TMEM207: variants seen among roughly 807,000 people sequenced by gnomAD.
TMEM207 encodes transmembrane protein 207.
TMEM207 carries 15 observed loss-of-function variants against 17.4 expected under a neutral mutation model. That is an observed-to-expected ratio of 0.86 (90% CI 0.58 to 1.33). The LOEUF (loss-of-function observed/expected upper bound fraction) is 1.33, where lower values mean the gene tolerates loss of function less well. Ranked by LOEUF, TMEM207 falls within the 40% of genes most tolerant of loss-of-function variation. The pLI, the probability that TMEM207 is intolerant of heterozygous loss-of-function variation, is 0.00. For missense variants in TMEM207, 205 were observed against 173.8 expected, an observed-to-expected ratio of 1.18 and a Z score of -1.01; for synonymous variants, 70 against 65.6, an observed-to-expected ratio of 1.07 and a Z score of -0.33.
At chr3:190,445,108 T>C (rs942585028) in intron 2 of TMEM207, among the ~76,000 whole-genome samples, 2 of 152,218 alleles carry the variant, frequency 1.3e-5, no homozygotes, top group Admixed American at 1.3e-4. Flanking sequence ...CAGGTCCAAG[T>C]CCAAGCTCTG....
chr3:190,446,808 T>C (rs975441685), intron 2 of TMEM207, among the ~76,000 whole-genome samples: 1 of 152,200 alleles, frequency 6.6e-6, no homozygotes, highest in Non-Finnish European at 1.5e-5. Flanking sequence ...TTTGTTAGTC[T>C]GGGTCAAAGG....
At chr3:190,438,561 T>G (rs528814845) in intron 4 of TMEM207, among the ~76,000 whole-genome samples, 3 of 152,312 alleles carry the variant, frequency 2.0e-5, no homozygotes, top group Admixed American at 6.5e-5. Flanking sequence ...CTGTCTAGCT[T>G]AATAATATAC....
At chr3:190,440,891 A>T (rs1156947920) in intron 3 of TMEM207, among the ~76,000 whole-genome samples, 1 of 152,012 alleles carries the variant, frequency 6.6e-6, no homozygotes, top group Non-Finnish European at 1.5e-5. Context: ...ACACGGTGAA[A>T]CCCCGTCTCT....
At chr3:190,447,882 T>C (rs1720085205) in intron 1 of TMEM207, 55 bp from the exon 2 acceptor site, 2 of 1,528,524 alleles carry the variant, frequency 1.3e-6, no homozygotes, top group Non-Finnish European at 1.8e-6. Context: ...TCTAATCCTT[T>C]AATACAAGCA....
In TMEM207 at chr3:190,449,795, T is replaced by C. The variant is rs1720122827; in HGVS notation, c.15A>G (p.Arg5=). The C allele has an allele frequency of 6.2e-7, 1 of 1,613,778 alleles. No individual in the cohort carries two copies. Among genetic ancestry groups the C allele is most frequent in the Non-Finnish European group, 8.5e-7 (1 of 1,179,756 alleles). Residue 5 remains arginine (R), a synonymous_variant, in exon 1 of 5, where the codon AGA becomes AGG. Transcript: ENST00000354905. MSRS[R]LFSVTSAIST... ...AGATCGCTGAGGTGACACTGAAAAG[T>C]CTGGATCTTGACATATTTAAAGGAC... is the stretch of plus-strand genomic sequence containing the variant.
chr3:190,440,815 T>C (rs1719917396), intron 3 of TMEM207, among the ~76,000 whole-genome samples: 1 of 152,194 alleles, frequency 6.6e-6, no homozygotes. Context: ...AAGCCTGTAA[T>C]CCCAGCACTT....
At chr3:190,436,579 T>C (rs1448963541) in intron 4 of TMEM207, among the ~76,000 whole-genome samples, 5 of 152,192 alleles carry the variant, frequency 3.3e-5, no homozygotes, top group Non-Finnish European at 7.3e-5. Context: ...CTCACCTCCT[T>C]CTGTAGCCAC....
intron 1 of TMEM207, among the ~76,000 whole-genome samples, chr3:190,448,697 T>C (rs1447774295): frequency 1.3e-5 from 2 of 152,148 alleles, no homozygotes; most frequent in Non-Finnish European, 1.5e-5. Flanking sequence ...CAAATAAAAG[T>C]ACAAGTAAGA....
At chr3:190,436,072 T>C (rs947893565) in intron 4 of TMEM207, among the ~76,000 whole-genome samples, 4 of 152,228 alleles carry the variant, frequency 2.6e-5, no homozygotes, top group Non-Finnish European at 5.9e-5. Context: ...TTCTGCTCAG[T>C]TGAGGGCAGC....
rs1388128807 is a variant in TMEM207 at position 190,447,796 on chromosome 3, T to C, written c.107A>G (p.Asp36Gly). Residue 36 changes from aspartate to glycine, a missense_variant, in exon 2 of 5, where the codon GAT becomes GGT. By Grantham distance (94) the Asp-to-Gly change is moderately conservative. Coordinates refer to ENST00000354905, the MANE Select transcript of TMEM207 (RefSeq NM_207316.3). ...LVLSDLPCEE[D>G]EMCVNYNDQH... ...TTTTTCGCTGTTTACTTACATTTCA[T>C]CTTCTTCGCATGGTAGGTCCGAGAG... is the stretch of plus-strand genomic sequence containing the variant. 1 of 1,611,360 alleles carries C rather than the reference T, an allele frequency of 6.2e-7. No individual in the cohort carries two copies. Among genetic ancestry groups the C allele is most frequent in the African/African-American group, 1.3e-5 (1 of 74,734 alleles).
Position 190,449,871 on chromosome 3 carries a change from A to C in TMEM207, c.-62T>G. ...GCCTGTGTTTATTTCCTTCTTTCTC[A>C]GAACTTACTAGCTTCTCTATAAGTT... On this transcript the variant is annotated 5_prime_UTR_variant, in exon 1 of 5. Coordinates refer to ENST00000354905, the MANE Select transcript of TMEM207 (RefSeq NM_207316.3). 3 of 1,433,768 alleles carry C rather than the reference A, an allele frequency of 2.1e-6. No individual in the cohort carries two copies. The highest frequency in any genetic ancestry group is 2.9e-6 in the Non-Finnish European group (3 of 1,018,696). 88.8% of individuals were successfully genotyped at this position (1,433,768 alleles called of 1,614,324 possible). A position where few individuals can be genotyped will look rare whatever the true frequency, so the allele number is the denominator to read the frequency against.
At chr3:190,433,906 G>A (rs1458766575) in intron 4 of TMEM207, among the ~76,000 whole-genome samples, 1 of 152,000 alleles carries the variant, frequency 6.6e-6, no homozygotes, top group Non-Finnish European at 1.5e-5. Context: ...TTGTTTAAAA[G>A]TGTGTAACAC....
At chr3:190,441,532 C>G in intron 2 of TMEM207, 50 bp from the exon 3 acceptor site, 1 of 1,469,102 alleles carries the variant, frequency 6.8e-7, no homozygotes, top group Non-Finnish European at 9.4e-7. Flanking sequence ...TAGCCAAAGC[C>G]TATTTCTTTC....
rs879076868 is a variant in TMEM207, at chr3:190,440,340, C to A, written c.208G>T (p.Val70Phe). Residue 70 changes from valine to phenylalanine, a missense_variant, in exon 4 of 5, where the codon GTC becomes TTC. By Grantham distance (50) the Val-to-Phe change is conservative. Coordinates refer to ENST00000354905, the MANE Select transcript of TMEM207 (RefSeq NM_207316.3). ...LVAALLCGAV[V>F]LCLQCWLRRP... ...CTCAGCCAGCACTGGAGGCAGAGGACCACAGCTCCACAGAGAAGAGCTGCC... is the reference window on the plus strand; with the variant it reads ...CTCAGCCAGCACTGGAGGCAGAGGAACACAGCTCCACAGAGAAGAGCTGCC... 6.2e-7 allele frequency: 1 copy of A among 1,613,908 alleles called. No homozygotes were observed. The highest frequency in any genetic ancestry group is 8.5e-7 in the Non-Finnish European group (1 of 1,179,960).
chr3:190,431,775 G>A lies in TMEM207; in HGVS notation c.305-2044C>T, dbSNP rs572326586. 3.3e-5 allele frequency among the ~76,000 whole-genome samples: 5 copies of A among 152,160 alleles called. No homozygotes were observed. The South Asian group carries it at 1.0e-3, about 32-fold the overall frequency. On this transcript the variant is annotated intron_variant, in intron 4 of 4. Coordinates refer to ENST00000354905, the MANE Select transcript of TMEM207 (RefSeq NM_207316.3). The stretch of plus-strand genomic sequence containing the variant: ...TGTACTAGCTCCAATTTATTTGTAC[G>A]ATTGCCACTGTCTATATTGTGCTCC...
At chr3:190,433,583 G>A (rs917151629) in intron 4 of TMEM207, among the ~76,000 whole-genome samples, 4 of 152,056 alleles carry the variant, frequency 2.6e-5, no homozygotes, top group African/African-American at 9.7e-5. Flanking sequence ...AAGATTTTGA[G>A]GATTTTTCTC....
intron 4 of TMEM207, among the ~76,000 whole-genome samples, chr3:190,432,058 G>A (rs1281803961): frequency 1.3e-5 from 2 of 152,140 alleles, no homozygotes; most frequent in African/African-American, 4.8e-5. Context: ...AAATTAAGAA[G>A]CTGAGAGAAC....
chr3:190,440,687 A>ACATCCATCCAGCCATT (rs1300505504), intron 3 of TMEM207, among the ~76,000 whole-genome samples: 1 of 152,194 alleles, frequency 6.6e-6, no homozygotes, highest in Non-Finnish European at 1.5e-5. Context: ...TTCCTTTCAG[A>ACATCCATCCAGCCATT]CATCCATCCA....
rs192481828 is a variant in TMEM207 at position 190,431,529 on chromosome 3, T to C, written c.305-1798A>G. On this transcript the variant is annotated intron_variant, in intron 4 of 4. Transcript: ENST00000354905. ...TGGAGTTAGAGCCCTTTGCAGTTTA[T>C]AAGTTTGGGTTGATGTCAGATAAGT... 2.3e-3 allele frequency among the ~76,000 whole-genome samples: 345 copies of C among 152,246 alleles called. 2 individuals carry two copies. Among genetic ancestry groups the C allele is most frequent in the African/African-American group, 7.6e-3 (316 of 41,566 alleles).
Sources: allele counts gnomAD v4.1 joint callset (sites outside exome capture counted in the v4.1 genomes callset), GRCh38; gene constraint gnomAD v4.1.1; transcripts MANE v1.5; gene names NCBI Gene and HGNC (gene_info 2026-07-23, HGNC 2026-07-21).